Variants in AVEN observed in about 807,000 individuals in gnomAD.
AVEN encodes apoptosis and caspase activation inhibitor, also known as cell death regulator Aven.
Under a neutral mutation model 38.1 loss-of-function variants are expected in AVEN, and 41 were observed. That is an observed-to-expected ratio of 1.08 (90% CI 0.84 to 1.40). The LOEUF (loss-of-function observed/expected upper bound fraction) is 1.40, where lower values mean the gene tolerates loss of function less well. Among genes scored for constraint, AVEN ranks in the 40% most tolerant of loss-of-function variants. The probability of loss-of-function intolerance (pLI) is 0.00; values close to 1 mark genes in which losing one functional copy is unlikely to be tolerated. For synonymous variants in AVEN, 206 were observed against 171.8 expected (o/e 1.20, Z -1.56); for missense variants, 605 against 438.8 (o/e 1.38, Z -3.38).
rs1409423842 is a variant in AVEN at position 33,866,547 on chromosome 15, C to T, written c.*66G>A. The T allele has an allele frequency of 3.3e-6, 4 of 1,222,924 alleles. No individual in the cohort carries two copies. The highest frequency in any genetic ancestry group is 4.8e-6 in the Non-Finnish European group (4 of 834,798). The allele number at this position is 1,222,924 out of a possible 1,614,324, so 75.8% of individuals were successfully genotyped here. On this transcript the variant is annotated 3_prime_UTR_variant, in exon 6 of 6. Transcript: ENST00000306730. ...TTGTAAACTGGCTGGTCCTGAAGGACAGCCTTATGCCCACCTGCCGTTAGA... is the reference window on the plus strand; with the variant it reads ...TTGTAAACTGGCTGGTCCTGAAGGATAGCCTTATGCCCACCTGCCGTTAGA...
At chr15:33,863,598 G>C (rs1021361379), downstream of AVEN, among the ~76,000 whole-genome samples, 3 of 152,104 alleles carry the variant, frequency 2.0e-5, no homozygotes, top group Admixed American at 1.3e-4. Context: ...TCAAACCTAA[G>C]ATATGGATCA....
intron 3 of AVEN, among the ~76,000 whole-genome samples, chr15:33,871,810 T>C (rs1200170900): frequency 6.7e-6 from 1 of 148,366 alleles, no homozygotes; most frequent in African/African-American, 2.5e-5. Context: ...GTAAGAAGGC[T>C]TTCTTTTTTG....
chr15:33,887,015 G>GA (rs747445922), intron 2 of AVEN, among the ~76,000 whole-genome samples: 1 of 152,190 alleles, frequency 6.6e-6, no homozygotes, highest in African/African-American at 2.4e-5. Context: ...AGGTTTTCTA[G>GA]AAACTACAAT....
chr15:34,040,243 A>G (rs913874329), upstream of AVEN, among the ~76,000 whole-genome samples: 6 of 152,204 alleles, frequency 3.9e-5, no homozygotes, highest in Non-Finnish European at 8.8e-5. Context: ...GTGTGAATAG[A>G]TGATTACAGT....
chr15:34,039,411 G>GAA (rs11422920), upstream of AVEN, among the ~76,000 whole-genome samples: 18 of 151,490 alleles, frequency 1.2e-4, no homozygotes, highest in South Asian at 2.1e-4. Flanking sequence ...TGAACTCTCG[G>GAA]AAAAAAAAAG....
chr15:33,974,621 T>G (rs569599338), intron 2 of AVEN, among the ~76,000 whole-genome samples: 1 of 152,288 alleles, frequency 6.6e-6, no homozygotes, highest in African/African-American at 2.4e-5. Context: ...ACATGAATAA[T>G]GCATGTGTAC....
chr15:33,964,389 A>C (rs1895310071), intron 2 of AVEN, among the ~76,000 whole-genome samples: 1 of 152,200 alleles, frequency 6.6e-6, no homozygotes, highest in Admixed American at 6.5e-5. Context: ...ATGAGTGAAA[A>C]AAGTGGGTGC....
chr15:33,906,605 A>G lies in AVEN; in HGVS notation c.446-30610T>C, dbSNP rs557798484. Among the ~76,000 whole-genome samples, 29 of 152,336 alleles carry G rather than the reference A, an allele frequency of 1.9e-4. 1 individual carries two copies. In the South Asian group the frequency reaches 4.1e-3, roughly 22 times the overall value. Reference sequence around the variant, plus strand: ...ATTTTTATTGAACCTTGAAGACATTATGCTAAGTGAATAAACCAGTCACAA... The same window carrying G: ...ATTTTTATTGAACCTTGAAGACATTGTGCTAAGTGAATAAACCAGTCACAA... On this transcript the variant is annotated intron_variant, in intron 2 of 5. Transcript: ENST00000306730.
Position 34,039,173 on chromosome 15 carries a change from G to T in AVEN, c.-127C>A. The T allele has an allele frequency of 1.2e-6, 1 of 835,158 alleles. No homozygotes were observed. Among genetic ancestry groups the T allele is most frequent in the Non-Finnish European group, 1.5e-6 (1 of 683,036 alleles). 51.7% of individuals were successfully genotyped at this position (835,158 alleles called of 1,614,324 possible). ...GCGCCCGGTAGCAGCGAGGCGCGGG[G>T]TGCGGGGCTAGGGATCGAGGCCGGC... On this transcript the variant is annotated 5_prime_UTR_variant, in exon 1 of 6. Coordinates refer to ENST00000306730, the MANE Select transcript of AVEN (RefSeq NM_020371.3).
chr15:33,909,460 T>C (rs1202795126), intron 2 of AVEN, among the ~76,000 whole-genome samples: 1 of 152,144 alleles, frequency 6.6e-6, no homozygotes, highest in African/African-American at 2.4e-5. Flanking sequence ...CAGCTCAAGA[T>C]GTGAACAAAA....
intron 2 of AVEN, among the ~76,000 whole-genome samples, chr15:33,887,334 T>C (rs1891746589): frequency 6.6e-6 from 1 of 152,192 alleles, no homozygotes; most frequent in Non-Finnish European, 1.5e-5. Flanking sequence ...TTTTGAAAAC[T>C]TGTAATATTC....
chr15:33,984,651 C>T (rs1217154461), intron 2 of AVEN, among the ~76,000 whole-genome samples: 1 of 152,168 alleles, frequency 6.6e-6, no homozygotes, highest in Non-Finnish European at 1.5e-5. Flanking sequence ...ATCCACCCGT[C>T]TTGGCCTCCC....
At chr15:34,001,766 G>A (rs756395576) in intron 2 of AVEN, among the ~76,000 whole-genome samples, 15 of 152,028 alleles carry the variant, frequency 9.9e-5, no homozygotes, top group Non-Finnish European at 2.1e-4. Context: ...TTTCCTGCTC[G>A]GAAAAGCACA....
intron 1 of AVEN, among the ~76,000 whole-genome samples, chr15:34,032,226 A>G (rs1279949890): frequency 1.3e-5 from 2 of 152,154 alleles, no homozygotes; most frequent in Non-Finnish European, 2.9e-5. Context: ...CAACCACCTA[A>G]TTTCTAGAAA....
At chr15:33,999,797 C>G (rs534407963) in intron 2 of AVEN, among the ~76,000 whole-genome samples, 3 of 152,280 alleles carry the variant, frequency 2.0e-5, no homozygotes, top group Admixed American at 2.0e-4. Context: ...TACCCGCTCC[C>G]CTCTTGCCAG....
intron 2 of AVEN, among the ~76,000 whole-genome samples, chr15:34,002,076 C>T (rs925121016): frequency 6.6e-6 from 1 of 152,112 alleles, no homozygotes; most frequent in African/African-American, 2.4e-5. Context: ...CCAGTTTACC[C>T]CAATGATAAC....
upstream of AVEN, among the ~76,000 whole-genome samples, chr15:34,039,739 T>TATTG (rs566920206): frequency 1.7e-3 from 265 of 152,316 alleles, 1 homozygote; most frequent in African/African-American, 6.1e-3. Context: ...AGCTGACATT[T>TATTG]ATTGAGCACA....
chr15:34,044,712 T>C (rs1023233637), intron 5 of AVEN, among the ~76,000 whole-genome samples: 3 of 152,200 alleles, frequency 2.0e-5, no homozygotes, highest in African/African-American at 7.2e-5. Flanking sequence ...GTCCAGTTTA[T>C]GCCTTCATGT....
intron 1 of AVEN, among the ~76,000 whole-genome samples, chr15:34,036,105 T>G (rs562092440): frequency 5.1e-4 from 56 of 108,936 alleles, no homozygotes; most frequent in Middle Eastern, 0.013. Flanking sequence ...CAGTTTTGTG[T>G]TTTTTTTTTA....
Sources: gnomAD v4.1 joint callset for allele counts (sites outside exome capture counted in the v4.1 genomes callset) on GRCh38, gnomAD v4.1.1 for gene constraint, MANE v1.5 for transcripts, NCBI Gene and HGNC (gene_info 2026-07-23, HGNC 2026-07-21) for gene names.